RGS6: variants seen among roughly 807,000 people sequenced by gnomAD.
RGS6 encodes the protein regulator of G protein signaling 6.
RGS6 carries 30 observed loss-of-function variants against 78.5 expected under a neutral mutation model. The ratio of observed to expected loss-of-function variants is 0.38; its 90% CI spans 0.29 to 0.52. RGS6 has a LOEUF of 0.52. Ranked by LOEUF, RGS6 falls within the 20% of genes least tolerant of loss-of-function variation. The pLI, the probability that RGS6 is intolerant of heterozygous loss-of-function variation, is 0.85. For synonymous variants in RGS6, 206 were observed against 206.0 expected (o/e 1.00, Z 0.00); for missense variants, 495 against 609.7 (o/e 0.81, Z 1.98).
At chr14:72,075,292 A>G (rs2094537028) in intron 2 of RGS6, among the ~76,000 whole-genome samples, 1 of 152,168 alleles carries the variant, frequency 6.6e-6, no homozygotes, top group African/African-American at 2.4e-5. Context: ...CTTTGTTTCC[A>G]TTGTGAAGAC....
At chr14:71,897,635 C>T in the RGS6 span, among the ~76,000 whole-genome samples, 1 of 152,102 alleles carries the variant, frequency 6.6e-6, no homozygotes, top group Admixed American at 6.5e-5. Flanking sequence ...ATTTTCCTGC[C>T]TTAGCCTCCT....
At chr14:72,184,897 T>C (rs566005238) in intron 2 of RGS6, among the ~76,000 whole-genome samples, 60 of 152,262 alleles carry the variant, frequency 3.9e-4, no homozygotes, top group African/African-American at 1.4e-3. Context: ...AAAGGGAGTT[T>C]ATTAAGGAGT....
chr14:72,160,912 T>C (rs1383264591), intron 2 of RGS6, among the ~76,000 whole-genome samples: 1 of 152,204 alleles, frequency 6.6e-6, no homozygotes, highest in East Asian at 1.9e-4. Context: ...TTAGAATTTA[T>C]AGAATCCAAG....
chr14:72,192,549 A>C (rs932695525), intron 2 of RGS6, among the ~76,000 whole-genome samples: 4 of 152,170 alleles, frequency 2.6e-5, no homozygotes, highest in African/African-American at 9.7e-5. Context: ...TTCCAGAAAA[A>C]GGACAAAGGG....
intron 3 of RGS6, among the ~76,000 whole-genome samples, chr14:72,376,679 A>C: frequency 6.6e-6 from 1 of 152,228 alleles, no homozygotes; most frequent in Non-Finnish European, 1.5e-5. Context: ...TGATAAAGTC[A>C]AAGTAGTGAA....
At chr14:72,170,806 A>G (rs2097002373) in intron 2 of RGS6, among the ~76,000 whole-genome samples, 1 of 152,190 alleles carries the variant, frequency 6.6e-6, no homozygotes, top group South Asian at 2.1e-4. Context: ...ATTAGCCTCT[A>G]AGGTGTTAAT....
At chr14:72,252,723 G>C (rs1033320724) in intron 2 of RGS6, among the ~76,000 whole-genome samples, 11 of 152,180 alleles carry the variant, frequency 7.2e-5, no homozygotes, top group African/African-American at 2.7e-4. Context: ...AGTCATGATG[G>C]GGGGAGGGGT....
At chr14:72,075,910 G>A (rs752590316) in intron 2 of RGS6, among the ~76,000 whole-genome samples, 29 of 152,218 alleles carry the variant, frequency 1.9e-4, no homozygotes, top group Non-Finnish European at 2.8e-4. Context: ...CGTGGGAAGA[G>A]CAAGATGCTG....
chr14:72,213,796 T>G (rs890840754), intron 2 of RGS6, among the ~76,000 whole-genome samples: 1 of 152,198 alleles, frequency 6.6e-6, no homozygotes, highest in Non-Finnish European at 1.5e-5. Context: ...CTTTTCCCTA[T>G]TGCAAAAATG....
intron 3 of RGS6, among the ~76,000 whole-genome samples, chr14:72,449,222 CAAAAG>C (rs1255092112): frequency 6.6e-6 from 1 of 152,186 alleles, no homozygotes; most frequent in African/African-American, 2.4e-5. Context: ...ACATTTTACT[CAAAAG>C]AAAGTGTCTT....
chr14:72,023,972 C>T (rs1195956553), intron 2 of RGS6, among the ~76,000 whole-genome samples: 3 of 152,194 alleles, frequency 2.0e-5, no homozygotes, highest in Non-Finnish European at 4.4e-5. Context: ...GCCATGTATA[C>T]CTCCAGCACT....
chr14:72,600,135 CAGAG>C, the RGS6 span, among the ~76,000 whole-genome samples: 15 of 152,196 alleles, frequency 9.9e-5, no homozygotes, highest in Admixed American at 3.9e-4. Flanking sequence ...CATACACACA[CAGAG>C]AGAGTCAACT....
intron 2 of RGS6, among the ~76,000 whole-genome samples, chr14:72,114,156 A>C (rs2095836799): frequency 6.6e-6 from 1 of 152,132 alleles, no homozygotes; most frequent in African/African-American, 2.4e-5. Flanking sequence ...TGGATGTATA[A>C]GTGTGTGTGT....
chr14:72,414,176 T>A (rs2093633300), intron 3 of RGS6, among the ~76,000 whole-genome samples: 1 of 152,224 alleles, frequency 6.6e-6, no homozygotes, highest in Non-Finnish European at 1.5e-5. Flanking sequence ...TCCAACTTGG[T>A]TCCATTCTCC....
chr14:72,442,960 C>T (rs1336145813), intron 3 of RGS6, among the ~76,000 whole-genome samples: 1 of 152,166 alleles, frequency 6.6e-6, no homozygotes, highest in Non-Finnish European at 1.5e-5. Flanking sequence ...AGGATGGGCT[C>T]ATCTATTTGA....
rs1223792333 is a variant in RGS6, at chr14:72,355,271, G to T, written c.184+3077G>T. 4.0e-5 allele frequency among the ~76,000 whole-genome samples: 6 copies of T among 150,610 alleles called. No individual in the cohort carries two copies. In the East Asian group the frequency reaches 1.2e-3, roughly 30 times the overall value. On this transcript the variant is annotated intron_variant, in intron 3 of 17. Coordinates refer to ENST00000553525, the MANE Select transcript of RGS6 (RefSeq NM_001204424.2). Reference sequence around the variant, plus strand: ...TGCAGTGGCATGATCTCAGCTCACTGAAACCCCCACCTCCTGGGTTCAAGC... The same window carrying T: ...TGCAGTGGCATGATCTCAGCTCACTTAAACCCCCACCTCCTGGGTTCAAGC...
At chr14:72,175,759 G>A (rs1455901141) in intron 2 of RGS6, among the ~76,000 whole-genome samples, 1 of 152,198 alleles carries the variant, frequency 6.6e-6, no homozygotes, top group African/African-American at 2.4e-5. Flanking sequence ...GTGCCCAGCG[G>A]CTGGTACGTG....
At chr14:72,584,786 C>T in the RGS6 span, among the ~76,000 whole-genome samples, 1 of 152,146 alleles carries the variant, frequency 6.6e-6, no homozygotes. Context: ...GGATTCACAC[C>T]AGGACTATGC....
Position 72,510,235 on chromosome 14 carries a change from G to C in RGS6, c.1047G>C (p.Gln349His). The change falls in exon 14 of 18, where the codon CAG becomes CAC. Residue 349 changes from glutamine to histidine, a missense_variant. Transcript: ENST00000553525. ...TGAAGGACCAGGTGGGGCGGGACCAGTTTCTACGATTCCTGGAGTCCGAAT... is the reference window on the plus strand; with the variant it reads ...TGAAGGACCAGGTGGGGCGGGACCACTTTCTACGATTCCTGGAGTCCGAAT... ...EILKDQVGRDQFLRFLESEFS... is the reference protein window; with the variant it reads ...EILKDQVGRDHFLRFLESEFS... 1 of 1,614,200 alleles carries C rather than the reference G, an allele frequency of 6.2e-7. No homozygotes were observed. The highest frequency in any genetic ancestry group is 8.5e-7 in the Non-Finnish European group (1 of 1,180,038).
Sources: allele counts gnomAD v4.1 joint callset (sites outside exome capture counted in the v4.1 genomes callset), GRCh38; gene constraint gnomAD v4.1.1; transcripts MANE v1.5; gene names NCBI Gene and HGNC (gene_info 2026-07-23, HGNC 2026-07-21).